Variants in SETBP1 observed in about 807,000 individuals in gnomAD.
The protein encoded by SETBP1 is SET binding protein 1.
A neutral mutation model predicts 101.0 loss-of-function variants in SETBP1; 9 were observed. That is an observed-to-expected ratio of 0.09 (90% CI 0.05 to 0.16). The LOEUF (loss-of-function observed/expected upper bound fraction) is 0.16, where lower values mean the gene tolerates loss of function less well. Among genes scored for constraint, SETBP1 ranks in the 10% least tolerant of loss-of-function variants. The pLI is 1.00. For missense variants in SETBP1, 1,858 were observed against 2,033.8 expected, an observed-to-expected ratio of 0.91 and a Z score of 1.66; for synonymous variants, 818 against 788.5, an observed-to-expected ratio of 1.04 and a Z score of -0.63.
chr18:44,894,223 C>G (rs1390572648), intron 3 of SETBP1, among the ~76,000 whole-genome samples: 2 of 152,160 alleles, frequency 1.3e-5, no homozygotes, highest in African/African-American at 4.8e-5. Context: ...CCAAAGAATG[C>G]AGGAAATGGT....
intron 4 of SETBP1, among the ~76,000 whole-genome samples, chr18:44,999,349 C>T (rs2072567136): frequency 6.6e-6 from 1 of 152,098 alleles, no homozygotes; most frequent in Admixed American, 6.5e-5. Context: ...ATTGAAGAGC[C>T]TCCAGAACCC....
At chr18:44,860,289 G>T (rs1256157351) in intron 2 of SETBP1, among the ~76,000 whole-genome samples, 1 of 152,184 alleles carries the variant, frequency 6.6e-6, no homozygotes, top group Non-Finnish European at 1.5e-5. Flanking sequence ...GCCCACAGAT[G>T]CTTGCAATGT....
At chr18:44,741,506 T>A (rs1466282901) in intron 2 of SETBP1, among the ~76,000 whole-genome samples, 1 of 152,202 alleles carries the variant, frequency 6.6e-6, no homozygotes, top group Non-Finnish European at 1.5e-5. Flanking sequence ...CCCTAGATGC[T>A]GAAGATCTAT....
intron 3 of SETBP1, among the ~76,000 whole-genome samples, chr18:44,897,220 CCA>C (rs1231196250): frequency 6.6e-6 from 1 of 152,142 alleles, no homozygotes; most frequent in Non-Finnish European, 1.5e-5. Context: ...GAGGTGTGGC[CCA>C]CAGTCTGTGG....
At chr18:44,978,162 G>T (rs189883226) in intron 4 of SETBP1, among the ~76,000 whole-genome samples, 164 of 152,300 alleles carry the variant, frequency 1.1e-3, no homozygotes, top group African/African-American at 3.7e-3. Context: ...TTGCAAAGGA[G>T]ACTGACAGTC....
chr18:45,037,300 A>G (rs1055436444), intron 4 of SETBP1, among the ~76,000 whole-genome samples: 1 of 152,118 alleles, frequency 6.6e-6, no homozygotes, highest in Non-Finnish European at 1.5e-5. Flanking sequence ...TTGGGGTTGG[A>G]GGGAAGGTGC....
intron 3 of SETBP1, among the ~76,000 whole-genome samples, chr18:44,931,919 G>A: frequency 6.6e-6 from 1 of 152,102 alleles, no homozygotes; most frequent in Non-Finnish European, 1.5e-5. Context: ...TCTTTTAATT[G>A]GAGAATTTAG....
chr18:44,698,972 T>G (rs2069065692), intron 1 of SETBP1, among the ~76,000 whole-genome samples: 1 of 152,218 alleles, frequency 6.6e-6, no homozygotes, highest in African/African-American at 2.4e-5. Flanking sequence ...TGAATCTTTT[T>G]TTAATGGAAG....
intron 2 of SETBP1, among the ~76,000 whole-genome samples, chr18:44,813,082 AAAAG>A (rs1000818595): frequency 3.9e-5 from 6 of 152,176 alleles, no homozygotes; most frequent in Admixed American, 6.5e-5. Context: ...CTTAAAAAAA[AAAAG>A]AAAGAAAGAA....
chr18:44,876,754 C>A, intron 3 of SETBP1: 1 of 1,518,504 alleles, frequency 6.6e-7, no homozygotes, highest in Non-Finnish European at 8.9e-7. Context: ...AGAAGTATAA[C>A]TTCGCATGGA....
At chr18:44,827,731 C>T (rs568230243) in intron 2 of SETBP1, among the ~76,000 whole-genome samples, 54 of 152,186 alleles carry the variant, frequency 3.5e-4, no homozygotes, top group East Asian at 7.7e-4. Flanking sequence ...AAACATTAGG[C>T]GATCAAAGCA....
At chr18:44,725,206 G>T (rs1218757292) in intron 2 of SETBP1, among the ~76,000 whole-genome samples, 1 of 152,194 alleles carries the variant, frequency 6.6e-6, no homozygotes, top group Non-Finnish European at 1.5e-5. Context: ...TCTTGATGCT[G>T]TTATTGTTCT....
chr18:44,849,539 G>A (rs979164382), intron 2 of SETBP1, among the ~76,000 whole-genome samples: 1 of 152,194 alleles, frequency 6.6e-6, no homozygotes, highest in Non-Finnish European at 1.5e-5. Flanking sequence ...TGAGCAAGCG[G>A]TGAGGTGGGT....
chr18:45,025,464 G>A (rs2073146063), intron 4 of SETBP1, among the ~76,000 whole-genome samples: 2 of 152,130 alleles, frequency 1.3e-5, no homozygotes, highest in Middle Eastern at 3.2e-3. Flanking sequence ...TAGAGATAAA[G>A]ATTAGGAGAT....
intron 2 of SETBP1, among the ~76,000 whole-genome samples, chr18:44,755,421 T>C (rs2070469850): frequency 6.6e-6 from 1 of 151,822 alleles, no homozygotes; most frequent in Non-Finnish European, 1.5e-5. Flanking sequence ...TAGGACAAAG[T>C]AGGAGGAGGA....
At chr18:44,755,505 C>T (rs1477784923) in intron 2 of SETBP1, among the ~76,000 whole-genome samples, 3 of 151,624 alleles carry the variant, frequency 2.0e-5, no homozygotes, top group African/African-American at 7.3e-5. Context: ...TTCCTCCTGC[C>T]CTTAGACATC....
chr18:44,925,345 C>T (rs1235507628), intron 3 of SETBP1, among the ~76,000 whole-genome samples: 1 of 152,064 alleles, frequency 6.6e-6, no homozygotes, highest in African/African-American at 2.4e-5. Context: ...GTAGCCTGCA[C>T]CAGAGCTGGG....
chr18:44,750,615 G>A (rs192752437), intron 2 of SETBP1, among the ~76,000 whole-genome samples: 236 of 152,266 alleles, frequency 1.5e-3, no homozygotes, highest in African/African-American at 5.5e-3. Context: ...GCAGTCATCC[G>A]ATGGATGTTT....
At chr18:45,032,355 C>T (rs987240542) in intron 4 of SETBP1, among the ~76,000 whole-genome samples, 3 of 152,140 alleles carry the variant, frequency 2.0e-5, no homozygotes, top group Admixed American at 6.6e-5. Context: ...TCTGTGAAGA[C>T]AGAGATCACA....
Sources: gnomAD v4.1 joint callset for allele counts (sites outside exome capture counted in the v4.1 genomes callset) on GRCh38, gnomAD v4.1.1 for gene constraint, MANE v1.5 for transcripts, NCBI Gene and HGNC (gene_info 2026-07-23, HGNC 2026-07-21) for gene names.